The following TTC6 variants were observed in gnomAD, a reference collection of about 807,000 sequenced individuals.
TTC6 encodes the protein tetratricopeptide repeat domain 6.
Under a neutral mutation model 210.4 loss-of-function variants are expected in TTC6, and 172 were observed. The observed-to-expected ratio is 0.82, with a 90% CI of 0.72 to 0.93. The LOEUF (loss-of-function observed/expected upper bound fraction) is 0.93. Among genes scored for constraint, TTC6 ranks in the 40% least tolerant of loss-of-function variants. TTC6 has a pLI of 0.00. For synonymous variants in TTC6, 804 were observed against 819.6 expected (o/e 0.98, Z 0.32); for missense variants, 2,414 against 2,318.1 (o/e 1.04, Z -0.85).
At chr14:37,682,442 CTAGCT>C (rs202107843) in intron 2 of TTC6, among the ~76,000 whole-genome samples, 40,525 of 151,688 alleles carry the variant, frequency 0.27, 5,424 homozygotes, top group South Asian at 0.36. Context: ...ATTTCTTGGT[CTAGCT>C]ATACCTTCTT....
chr14:37,704,137 T>G (rs1012937282), intron 5 of TTC6, among the ~76,000 whole-genome samples: 1 of 152,120 alleles, frequency 6.6e-6, no homozygotes, highest in African/African-American at 2.4e-5. Flanking sequence ...CCTAGGCTGG[T>G]GCGCAATGGC....
At chr14:37,724,317 C>A (rs1237792261) in intron 6 of TTC6, among the ~76,000 whole-genome samples, 1 of 151,772 alleles carries the variant, frequency 6.6e-6, no homozygotes, top group Non-Finnish European at 1.5e-5. Flanking sequence ...ATAAATAATA[C>A]ATTTTTTGTG....
rs79343972 is a variant in TTC6 at position 37,718,461 on chromosome 14, A to C, written c.1713+3665A>C. On this transcript the variant is annotated intron_variant, in intron 6 of 30. Transcript: ENST00000553443. ...AGCTGCAAAAACCTACAGCTAACATAGTATTTAATGGTGAAAGCCTGATTG... is the reference window on the plus strand; with the variant it reads ...AGCTGCAAAAACCTACAGCTAACATCGTATTTAATGGTGAAAGCCTGATTG... Among the ~76,000 whole-genome samples, 70 of 152,324 alleles carry C rather than the reference A, an allele frequency of 4.6e-4. No homozygotes were observed. In the East Asian group the frequency reaches 0.013, roughly 28 times the overall value.
exon 1 of TTC6, chr14:37,622,870 C>T (rs1046901285): frequency 3.6e-5 from 55 of 1,534,806 alleles, no homozygotes; most frequent in Admixed American, 2.9e-4. Flanking sequence ...GCGCTGCTGC[C>T]CTCCCGCGTG....
At chr14:37,623,691 T>G (rs995662415) in intron 1 of TTC6, among the ~76,000 whole-genome samples, 4 of 152,172 alleles carry the variant, frequency 2.6e-5, no homozygotes, top group African/African-American at 9.7e-5. Context: ...CACAGTGTTC[T>G]GGAGCTAATG....
intron 7 of TTC6, among the ~76,000 whole-genome samples, chr14:37,732,555 A>G (rs1208456968): frequency 6.6e-6 from 1 of 151,972 alleles, no homozygotes; most frequent in Non-Finnish European, 1.5e-5. Flanking sequence ...TAAGGAAGAG[A>G]AAATATACTT....
At chr14:37,596,815 G>A (rs894199221) in intron 1 of TTC6, among the ~76,000 whole-genome samples, 3 of 152,150 alleles carry the variant, frequency 2.0e-5, no homozygotes, top group South Asian at 4.1e-4. Context: ...TAAGAAATGT[G>A]TTTTAACTTG....
At chr14:37,657,370 A>G (rs2095726594) in intron 1 of TTC6, among the ~76,000 whole-genome samples, 1 of 150,110 alleles carries the variant, frequency 6.7e-6, no homozygotes. Flanking sequence ...AAAAAAGACC[A>G]TTTCCATCAA....
At chr14:37,746,656 A>AG (rs893571362) in intron 10 of TTC6, among the ~76,000 whole-genome samples, 3 of 151,994 alleles carry the variant, frequency 2.0e-5, no homozygotes. Context: ...TCCATGGAGG[A>AG]GATATGTGGG....
intron 7 of TTC6, 84 bp from the exon 10 acceptor site, chr14:37,735,837 T>A: frequency 1.3e-6 from 1 of 741,852 alleles, no homozygotes; most frequent in Non-Finnish European, 2.1e-6. Flanking sequence ...TTGTTAATAA[T>A]GTTGTACTAT....
chr14:37,625,319 G>A (rs1271695536), intron 1 of TTC6, among the ~76,000 whole-genome samples: 3 of 151,658 alleles, frequency 2.0e-5, no homozygotes, highest in Non-Finnish European at 4.4e-5. Flanking sequence ...AGGCTGAGGC[G>A]GGTGGATCAC....
intron 14 of TTC6, among the ~76,000 whole-genome samples, chr14:37,786,647 C>T (rs920243226): frequency 2.8e-4 from 43 of 152,264 alleles, no homozygotes; most frequent in Non-Finnish European, 5.4e-4. Flanking sequence ...ACCAACTGTC[C>T]GACAAGCCCC....
intron 2 of TTC6, among the ~76,000 whole-genome samples, chr14:37,682,465 A>G (rs577749503): frequency 2.6e-5 from 4 of 152,210 alleles, no homozygotes; most frequent in African/African-American, 9.6e-5. Flanking sequence ...CTTGCATAAT[A>G]AAGAAAATTT....
chr14:37,725,308 G>GTA (rs1422249080), intron 7 of TTC6, among the ~76,000 whole-genome samples: 44 of 73,374 alleles, frequency 6.0e-4, no homozygotes, highest in Non-Finnish European at 8.3e-4. Context: ...ATGTGTGTGT[G>GTA]TGTGTATATA....
chr14:37,751,975 C>T (rs1218428640), intron 13 of TTC6, among the ~76,000 whole-genome samples: 1 of 151,858 alleles, frequency 6.6e-6, no homozygotes, highest in African/African-American at 2.4e-5. Context: ...AGGTGCCCGC[C>T]ACTATGCCCG....
intron 23 of TTC6, 94 bp downstream of exon 25, chr14:37,807,554 T>A (rs2096121346): frequency 1.8e-6 from 2 of 1,127,350 alleles, no homozygotes; most frequent in Non-Finnish European, 2.3e-6. Flanking sequence ...TTCTATGTGG[T>A]TGGGAATCAC....
chr14:37,641,962 A>G (rs1457480391), intron 1 of TTC6, among the ~76,000 whole-genome samples: 1 of 152,226 alleles, frequency 6.6e-6, no homozygotes, highest in Non-Finnish European at 1.5e-5. Context: ...CAGCCAGTCC[A>G]GAACTGTTTT....
intron 1 of TTC6, among the ~76,000 whole-genome samples, chr14:37,644,078 T>A (rs1278856690): frequency 6.6e-6 from 1 of 152,192 alleles, no homozygotes. Flanking sequence ...TCATATCAGC[T>A]GTCGCTAGGA....
rs1255353867 is a variant in TTC6 at position 37,821,274 on chromosome 14, G to A, written c.4764-2473G>A. Among the ~76,000 whole-genome samples the A allele has an allele frequency of 1.1e-4, 16 of 152,056 alleles. No individual in the cohort carries two copies. The East Asian group carries it at 2.5e-3, about 24-fold the overall frequency. On this transcript the variant is annotated intron_variant, in intron 26 of 30. Transcript: ENST00000553443. The stretch of plus-strand genomic sequence containing the variant: ...AGTAGAGAAGGGGTTTCACCATGTT[G>A]GGCAAGCTGGTCTTGAACTCCTGAC...
Sources: allele counts gnomAD v4.1 joint callset (sites outside exome capture counted in the v4.1 genomes callset), GRCh38; gene constraint gnomAD v4.1.1; transcripts MANE v1.5; gene names NCBI Gene and HGNC (gene_info 2026-07-23, HGNC 2026-07-21).